The following ZNF207 variants were observed in gnomAD, a reference collection of about 807,000 sequenced individuals.
ZNF207 encodes the protein zinc finger protein 207.
ZNF207 carries 24 observed loss-of-function variants against 60.2 expected under a neutral mutation model. The observed-to-expected ratio is 0.40, with a 90% CI of 0.29 to 0.56. The LOEUF (loss-of-function observed/expected upper bound fraction) is 0.56. Among genes scored for constraint, ZNF207 ranks in the 20% least tolerant of loss-of-function variants. The pLI is 0.49. For missense variants in ZNF207, 452 were observed against 636.6 expected (o/e 0.71, Z 3.12); for synonymous variants, 236 against 194.7 (o/e 1.21, Z -1.77).
At chr17:32,367,237 G>GA (rs1905204240) in intron 9 of ZNF207, among the ~76,000 whole-genome samples, 1 of 37,732 alleles carries the variant, frequency 2.7e-5, no homozygotes, top group Admixed American at 4.3e-4. Context: ...ATTTGGAGGG[G>GA]ATTATATATA....
chr17:32,350,551 G>T (rs934835330), intron 1 of ZNF207, among the ~76,000 whole-genome samples: 1 of 152,130 alleles, frequency 6.6e-6, no homozygotes, highest in African/African-American at 2.4e-5. Flanking sequence ...GACTCAGGAG[G>T]ATCTTGTTCG....
rs201725060 is a variant in ZNF207 at position 32,366,705 on chromosome 17, A to G, written c.869A>G (p.Asn290Ser). ...ACAAGCTCAAGTACAGCTTCATCCA[A>G]TTCAGAAAGTCTGTCTGCATCTTCT... ...PVTSSSTASS[N>S]SESLSASSKA... Residue 290 changes from asparagine (N) to serine (S), a missense_variant, in exon 9 of 12, where the codon AAT becomes AGT. Physicochemically the swap from Asn to Ser is conservative, Grantham distance 46. This residue lies in a region of ZNF207 where 390 missense variants were observed against 461.4 expected (regional missense o/e 0.85). Coordinates refer to ENST00000394670, the MANE Select transcript of ZNF207 (RefSeq NM_001098507.2). 31 of 1,611,794 alleles carry G rather than the reference A, an allele frequency of 1.9e-5. No homozygotes were observed. Among genetic ancestry groups the G allele is most frequent in the Non-Finnish European group, 2.5e-5 (29 of 1,179,250 alleles).
rs759068099 is a variant in ZNF207 at position 32,369,276 on chromosome 17, C to A, written c.1165-19C>A. ...CTCTGCATTCGAGTATTTAGCCCTG[C>A]GCTTATTTTTATTCCCAGGAAGAGA... On this transcript the variant is annotated intron_variant, in intron 10 of 11. Coordinates refer to ENST00000394670, the MANE Select transcript of ZNF207 (RefSeq NM_001098507.2). The A allele has an allele frequency of 9.9e-6, 16 of 1,612,070 alleles. No individual in the cohort carries two copies. Among genetic ancestry groups the A allele is most frequent in the Non-Finnish European group, 1.3e-5 (15 of 1,178,798 alleles).
chr17:32,354,060 T>C (rs1430747615), intron 2 of ZNF207, among the ~76,000 whole-genome samples: 2 of 151,982 alleles, frequency 1.3e-5, no homozygotes, highest in African/African-American at 4.8e-5. Context: ...ACCGCAACTT[T>C]GAACTCCCTT....
intron 2 of ZNF207, among the ~76,000 whole-genome samples, chr17:32,353,606 AC>A (rs1331235590): frequency 7.2e-6 from 1 of 138,256 alleles, no homozygotes; most frequent in Non-Finnish European, 1.5e-5. Context: ...ACGTGGTGAA[AC>A]CCCATCTCTA....
At chr17:32,359,828 G>A (rs1904753603) in intron 3 of ZNF207, among the ~76,000 whole-genome samples, 1 of 152,108 alleles carries the variant, frequency 6.6e-6, no homozygotes, top group Non-Finnish European at 1.5e-5. Context: ...AGCCCAAGGG[G>A]TTGAGGCTTC....
chr17:32,358,446 T>C (rs1904673140), intron 2 of ZNF207, 57 bp from the exon 3 acceptor site: 1 of 1,488,714 alleles, frequency 6.7e-7, no homozygotes, highest in Non-Finnish European at 8.9e-7. Flanking sequence ...CAGTCTTTGA[T>C]TAACTTGGAA....
chr17:32,361,849 T>C (rs1349981123), intron 6 of ZNF207, among the ~76,000 whole-genome samples: 4 of 152,232 alleles, frequency 2.6e-5, no homozygotes, highest in Non-Finnish European at 5.9e-5. Context: ...TGGAATTTTC[T>C]AATCTATTAA....
chr17:32,367,337 A>G (rs1905250253), intron 9 of ZNF207, among the ~76,000 whole-genome samples: 1 of 140,696 alleles, frequency 7.1e-6, no homozygotes, highest in Non-Finnish European at 1.5e-5. Context: ...TACACTGTTC[A>G]TGTTATAGTT....
rs1905271563 is a variant in ZNF207, at chr17:32,367,777, G to T, written c.927G>T (p.Gln309His). The change falls in exon 10 of 12, where the codon CAG (glutamine) becomes CAT (histidine). Residue 309 changes from glutamine to histidine, a missense_variant. By Grantham distance (24) the Gln-to-His change is conservative. Transcript: ENST00000394670. ...KALFPSTAQA[Q>H]AAVQGPVGTD... Reference sequence around the variant, plus strand: ...TGAAGTATTGTATTTTACAGGCTCAGGCAGCTGTCCAAGGACCTGTTGGTA... The same window carrying T: ...TGAAGTATTGTATTTTACAGGCTCATGCAGCTGTCCAAGGACCTGTTGGTA... The T allele has an allele frequency of 1.2e-6, 2 of 1,613,882 alleles. No homozygotes were observed. Among genetic ancestry groups the T allele is most frequent in the African/African-American group, 1.3e-5 (1 of 74,882 alleles).
Position 32,373,604 on chromosome 17 carries a change from A to G in ZNF207, c.*3845A>G. On this transcript the variant is annotated 3_prime_UTR_variant, in exon 12 of 12. Coordinates refer to ENST00000394670, the MANE Select transcript of ZNF207 (RefSeq NM_001098507.2). ...ATACTCTTTTGGCAGAGAAGGCTCT[A>G]TATTAATATTCACGTTTGACTGTGG... 4.9e-6 allele frequency: 2 copies of G among 406,556 alleles called. No individual in the cohort carries two copies. The highest frequency in any genetic ancestry group is 3.5e-5 in the East Asian group (1 of 28,836). 25.2% of individuals were successfully genotyped at this position (406,556 alleles called of 1,614,324 possible).
chr17:32,366,379 G>A (rs555785540), intron 8 of ZNF207, among the ~76,000 whole-genome samples: 7 of 152,114 alleles, frequency 4.6e-5, no homozygotes, highest in Non-Finnish European at 8.8e-5. Flanking sequence ...TTTGTACATC[G>A]TTATTCTCAG....
intron 2 of ZNF207, 125 bp from the exon 3 acceptor site, chr17:32,358,377 CA>C: frequency 1.2e-6 from 1 of 846,306 alleles, no homozygotes; most frequent in Non-Finnish European, 1.7e-6. Flanking sequence ...TAGTGAATGG[CA>C]AAACTGGGAA....
chr17:32,366,212 T>C (rs913679409), intron 8 of ZNF207, among the ~76,000 whole-genome samples: 14 of 152,178 alleles, frequency 9.2e-5, no homozygotes, highest in Non-Finnish European at 1.8e-4. Context: ...TGTTTGTGGG[T>C]GCTAAATTAA....
At chr17:32,367,243 A>C (rs1303645333) in intron 9 of ZNF207, among the ~76,000 whole-genome samples, 3 of 51,022 alleles carry the variant, frequency 5.9e-5, no homozygotes, top group African/African-American at 2.7e-4. Context: ...AGGGGATTAT[A>C]TATATATATA....
At chr17:32,361,314 T>G (rs1203010270) in intron 5 of ZNF207, 154 bp from the exon 6 acceptor site, 2 of 600,662 alleles carry the variant, frequency 3.3e-6, no homozygotes, top group Non-Finnish European at 5.6e-6. Flanking sequence ...GTAAATGATT[T>G]ATTTGTCAAA....
chr17:32,361,334 CTA>C (rs1904871022), intron 5 of ZNF207, 132 bp from the exon 6 acceptor site: 1 of 666,216 alleles, frequency 1.5e-6, no homozygotes, highest in South Asian at 2.6e-5. Context: ...AGCATCAAAA[CTA>C]AAATGAATAT....
chr17:32,362,714 G>A, intron 6 of ZNF207, 200 bp from the exon 7 acceptor site: 1 of 424,374 alleles, frequency 2.4e-6, no homozygotes, highest in Non-Finnish European at 4.1e-6. Flanking sequence ...GTAAACCAAA[G>A]AGTTTGCTGG....
intron 1 of ZNF207, chr17:32,351,243 TTAAA>T (rs983715390): frequency 3.6e-4 from 65 of 178,156 alleles, no homozygotes; most frequent in African/African-American, 1.5e-3. Flanking sequence ...ATCTGTGAAT[TTAAA>T]TACATTGCTT....
Sources: allele counts gnomAD v4.1 joint callset (sites outside exome capture counted in the v4.1 genomes callset), GRCh38; gene constraint gnomAD v4.1.1; regional missense constraint gnomAD v4.1.1; transcripts MANE v1.5; gene names NCBI Gene and HGNC (gene_info 2026-07-23, HGNC 2026-07-21).